ATF6: variants seen among roughly 807,000 people sequenced by gnomAD.
The protein encoded by ATF6 is activating transcription factor 6.
A neutral mutation model predicts 83.6 loss-of-function variants in ATF6; 53 were observed. The observed-to-expected ratio is 0.63, with a 90% CI of 0.51 to 0.80. The LOEUF is 0.80. Among genes scored for constraint, ATF6 ranks in the 30% least tolerant of loss-of-function variants. The pLI is 0.00. For synonymous variants in ATF6, 288 were observed against 285.8 expected (o/e 1.01, Z -0.08); for missense variants, 744 against 797.9 (o/e 0.93, Z 0.81).
rs1271669639 is a variant in ATF6, at chr1:161,860,273, A to G, written c.1600A>G (p.Ile534Val). 1 of 1,600,162 alleles carries G rather than the reference A, an allele frequency of 6.2e-7. No homozygotes were observed. Among genetic ancestry groups the G allele is most frequent in the Non-Finnish European group, 8.5e-7 (1 of 1,173,082 alleles). ...TCAATACACAGAAACCACTAGTAGTATCAGGTAAGACAGTGCAGAAGCTCT... is the reference window on the plus strand; with the variant it reads ...TCAATACACAGAAACCACTAGTAGTGTCAGGTAAGACAGTGCAGAAGCTCT... ...AVQYTETTSS[I>V]SRNSGSELQV... is the part of the protein sequence containing the mutation. The change falls in exon 13 of 16, where the codon ATC becomes GTC. Residue 534 changes from isoleucine to valine, a missense_variant. Physicochemically the swap from Ile to Val is conservative, Grantham distance 29 (BLOSUM62 3). Transcript: ENST00000367942.
Position 161,959,404 on chromosome 1 carries a change from T to C in ATF6, c.*750T>C, listed in dbSNP as rs1418828780. 1 of 152,100 alleles carries C rather than the reference T, an allele frequency of 6.6e-6. No individual in the cohort carries two copies. The highest frequency in any genetic ancestry group is 2.4e-5 in the African/African-American group (1 of 41,390). 9.4% of individuals were successfully genotyped at this position (152,100 alleles called of 1,614,324 possible). On this transcript the variant is annotated 3_prime_UTR_variant, in exon 16 of 16. Coordinates refer to ENST00000367942, the MANE Select transcript of ATF6 (RefSeq NM_007348.4). ...ATACACATGTTTAAAAGATGGAAAG[T>C]TCACGCCTGTAATCCCAGCACTTTG...
intron 7 of ATF6, among the ~76,000 whole-genome samples, chr1:161,803,157 G>A (rs1685196178): frequency 6.6e-6 from 1 of 152,142 alleles, no homozygotes; most frequent in South Asian, 2.1e-4. Context: ...TGTGGGTTAT[G>A]CAAGGTTGTT....
chr1:161,888,792 G>A (rs1017131327), intron 14 of ATF6, among the ~76,000 whole-genome samples: 1 of 151,806 alleles, frequency 6.6e-6, no homozygotes, highest in East Asian at 1.9e-4. Flanking sequence ...ATTTTTCCCT[G>A]CCTAAATTCC....
At chr1:161,791,094 G>C (rs1385431483) in intron 4 of ATF6, among the ~76,000 whole-genome samples, 38 of 144,590 alleles carry the variant, frequency 2.6e-4, no homozygotes, top group South Asian at 1.5e-3. Context: ...CTCTGTGTGT[G>C]TGTGTGTGTC....
intron 14 of ATF6, among the ~76,000 whole-genome samples, chr1:161,900,714 GCA>G (rs1200449815): frequency 1.6e-4 from 25 of 152,100 alleles, no homozygotes; most frequent in African/African-American, 5.5e-4. Context: ...TATTTGCTTT[GCA>G]TATGTACACA....
intron 14 of ATF6, among the ~76,000 whole-genome samples, chr1:161,865,713 A>G (rs1686981699): frequency 1.3e-5 from 2 of 152,210 alleles, no homozygotes; most frequent in Non-Finnish European, 2.9e-5. Flanking sequence ...TTCATTTTCA[A>G]ATTACTGATT....
chr1:161,898,803 C>T (rs1484461003), intron 14 of ATF6, among the ~76,000 whole-genome samples: 1 of 152,214 alleles, frequency 6.6e-6, no homozygotes, highest in Non-Finnish European at 1.5e-5. Flanking sequence ...CCACCTCGGC[C>T]TCCCAAGGTG....
chr1:161,933,552 A>G (rs1558031457), intron 15 of ATF6, among the ~76,000 whole-genome samples: 1 of 152,244 alleles, frequency 6.6e-6, no homozygotes, highest in Non-Finnish European at 1.5e-5. Context: ...TTGAACATGT[A>G]CAACATGCAA....
chr1:161,947,555 A>G (rs1371777015), intron 15 of ATF6, among the ~76,000 whole-genome samples: 2 of 152,172 alleles, frequency 1.3e-5, no homozygotes, highest in African/African-American at 4.8e-5. Context: ...ATTCGTTTTT[A>G]TGGCTCAGAA....
chr1:161,850,532 T>C (rs1441999707), intron 10 of ATF6, among the ~76,000 whole-genome samples: 1 of 152,200 alleles, frequency 6.6e-6, no homozygotes, highest in East Asian at 1.9e-4. Flanking sequence ...TAGCACTTAC[T>C]AGAGTTCGGA....
Position 161,791,420 on chromosome 1 carries a change from T to A in ATF6, c.367T>A (p.Leu123Met). The change falls in exon 5 of 16, where the codon TTG becomes ATG. Residue 123 changes from leucine to methionine, a missense_variant. Physicochemically the swap from Leu to Met is conservative, Grantham distance 15. Transcript: ENST00000367942. Reference protein sequence around the residue: ...STQHVPEELDLSSSSQMSPLS... With the variant: ...STQHVPEELDMSSSSQMSPLS... ...TATTATGCTACAGGAGGAGTTGGATTTGTCTTCTAGTTCTCAGATGTCTCC... is the reference window on the plus strand; with the variant it reads ...TATTATGCTACAGGAGGAGTTGGATATGTCTTCTAGTTCTCAGATGTCTCC... The A allele has an allele frequency of 6.2e-7, 1 of 1,608,466 alleles. No homozygotes were observed. Among genetic ancestry groups the A allele is most frequent in the Non-Finnish European group, 8.5e-7 (1 of 1,178,452 alleles).
intron 14 of ATF6, among the ~76,000 whole-genome samples, chr1:161,908,203 T>C (rs558983914): frequency 3.3e-5 from 5 of 152,308 alleles, no homozygotes; most frequent in South Asian, 4.1e-4. Context: ...GTACTCTACA[T>C]AGATACGTAG....
chr1:161,863,265 G>C lies in ATF6; in HGVS notation c.1672G>C (p.Ala558Pro), dbSNP rs780692564. The C allele has an allele frequency of 6.2e-7, 1 of 1,613,236 alleles. No individual in the cohort carries two copies. Among genetic ancestry groups the C allele is most frequent in the South Asian group, 1.1e-5 (1 of 91,028 alleles). Residue 558 changes from alanine to proline, a missense_variant, in exon 14 of 16, where the codon GCC becomes CCC. Coordinates refer to ENST00000367942, the MANE Select transcript of ATF6 (RefSeq NM_007348.4). Reference sequence around the variant, plus strand: ...CAGAAGTTATCAAGACTTTTTTGAAGCCATCCGCAGAAGGGGAGACACATT... The same window carrying C: ...CAGAAGTTATCAAGACTTTTTTGAACCCATCCGCAGAAGGGGAGACACATT... ...SPRSYQDFFE[A>P]IRRRGDTFYV...
At chr1:161,952,714 G>A (rs974483776) in intron 15 of ATF6, among the ~76,000 whole-genome samples, 29 of 152,180 alleles carry the variant, frequency 1.9e-4, no homozygotes, top group African/African-American at 3.4e-4. Context: ...TTAGGAGACA[G>A]TGAACAAGTC....
At chr1:161,938,764 A>G (rs1294790222) in intron 15 of ATF6, among the ~76,000 whole-genome samples, 1 of 152,218 alleles carries the variant, frequency 6.6e-6, no homozygotes, top group Non-Finnish European at 1.5e-5. Context: ...GTGAGTTTCT[A>G]TTATCTTTTT....
intron 15 of ATF6, among the ~76,000 whole-genome samples, chr1:161,953,317 C>T (rs529063735): frequency 7.2e-5 from 11 of 152,144 alleles, no homozygotes; most frequent in Non-Finnish European, 1.2e-4. Flanking sequence ...GCCAGCATCC[C>T]TGACCCCTGC....
At chr1:161,906,196 G>A (rs1687875467) in intron 14 of ATF6, among the ~76,000 whole-genome samples, 1 of 152,150 alleles carries the variant, frequency 6.6e-6, no homozygotes, top group South Asian at 2.1e-4. Context: ...TCCTATACCT[G>A]TCCAAGGCAT....
intron 14 of ATF6, among the ~76,000 whole-genome samples, chr1:161,864,101 G>A (rs1362367148): frequency 6.6e-6 from 1 of 151,764 alleles, no homozygotes; most frequent in Admixed American, 6.6e-5. Flanking sequence ...AACAAGAGAA[G>A]GGACCTCACT....
chr1:161,807,865 CTTTTTTTTTT>C (rs761462420), intron 7 of ATF6, among the ~76,000 whole-genome samples: 18 of 32,344 alleles, frequency 5.6e-4, no homozygotes, highest in African/African-American at 1.5e-3. Flanking sequence ...AGTTTGTCAT[CTTTTTTTTTT>C]TTTTTTTTTT....
Sources: gnomAD v4.1 joint callset for allele counts (sites outside exome capture counted in the v4.1 genomes callset) on GRCh38, gnomAD v4.1.1 for gene constraint, MANE v1.5 for transcripts, NCBI Gene and HGNC (gene_info 2026-07-23, HGNC 2026-07-21) for gene names.